KIAA0319L: variants seen among roughly 807,000 people sequenced by gnomAD.
The protein encoded by KIAA0319L is KIAA0319 like.
A neutral mutation model predicts 120.1 loss-of-function variants in KIAA0319L; 55 were observed. The ratio of observed to expected loss-of-function variants is 0.46; its 90% CI spans 0.37 to 0.57. The LOEUF (loss-of-function observed/expected upper bound fraction) is 0.57, where lower values mean the gene tolerates loss of function less well. KIAA0319L is among the 20% of genes least tolerant of loss of function. The pLI is 0.00. For synonymous variants in KIAA0319L, 398 were observed against 471.9 expected, an observed-to-expected ratio of 0.84 and a Z score of 2.03; for missense variants, 1,049 against 1,255.3, an observed-to-expected ratio of 0.84 and a Z score of 2.48.
At position 35,444,153 on chromosome 1, in the gene KIAA0319L, T is replaced by C; in HGVS notation, c.2656+8A>G. The stretch of plus-strand genomic sequence containing the variant: ...GGCTCTTGCTCCCAAATTCCCAGAA[T>C]TACTCACTGACAGTGTTGACTTCCA... On this transcript the variant is annotated splice_region_variant and intron_variant, in intron 17 of 20. Transcript: ENST00000325722. 3 of 1,585,278 alleles carry C rather than the reference T, an allele frequency of 1.9e-6. No individual in the cohort carries two copies. Among genetic ancestry groups the C allele is most frequent in the Non-Finnish European group, 2.6e-6 (3 of 1,165,792 alleles).
intron 2 of KIAA0319L, among the ~76,000 whole-genome samples, chr1:35,527,222 C>A (rs979058520): frequency 4.7e-5 from 7 of 149,990 alleles, no homozygotes; most frequent in South Asian, 2.1e-4. Context: ...ACCATCCTTG[C>A]ATCCCTGGGA....
intron 2 of KIAA0319L, among the ~76,000 whole-genome samples, chr1:35,519,628 G>A (rs1359847472): frequency 1.3e-5 from 2 of 152,116 alleles, no homozygotes; most frequent in Non-Finnish European, 2.9e-5. Context: ...CCTGACCTCT[G>A]CCTCCAGACA....
rs61384513 is a variant in KIAA0319L, at chr1:35,448,390, C to T, written c.2354-58G>A. 9.3e-6 allele frequency: 14 copies of T among 1,499,894 alleles called. No individual in the cohort carries two copies. In the South Asian group the frequency reaches 1.3e-4, roughly 14 times the overall value. The allele number at this position is 1,499,894 out of a possible 1,614,324, so 92.9% of individuals were successfully genotyped here. A position where few individuals can be genotyped will look rare whatever the true frequency, so the allele number is the denominator to read the frequency against. On this transcript the variant is annotated intron_variant, in intron 15 of 20. Transcript: ENST00000325722. ...AAGTAGGAGAGTAAACACAGACCTGCCACTGTGCATTTGCTTTGGCACAGG... is the reference window on the plus strand; with the variant it reads ...AAGTAGGAGAGTAAACACAGACCTGTCACTGTGCATTTGCTTTGGCACAGG...
At chr1:35,479,958 A>AG (rs1337143578) in intron 3 of KIAA0319L, among the ~76,000 whole-genome samples, 1 of 141,170 alleles carries the variant, frequency 7.1e-6, no homozygotes. Flanking sequence ...AAAAAAAAAA[A>AG]AAAAAAAAAA....
intron 20 of KIAA0319L, 94 bp downstream of exon 20, chr1:35,440,953 G>A: frequency 4.2e-6 from 4 of 943,644 alleles, no homozygotes; most frequent in Non-Finnish European, 7.0e-6. Flanking sequence ...AAGCACAGTG[G>A]GCTGTTAGTG....
intron 20 of KIAA0319L, among the ~76,000 whole-genome samples, chr1:35,435,802 C>T (rs891671640): frequency 2.6e-5 from 4 of 152,176 alleles, no homozygotes; most frequent in African/African-American, 7.2e-5. Flanking sequence ...CTATAGATGC[C>T]GAGCGGCCAC....
chr1:35,513,505 T>G (rs1427369533), intron 2 of KIAA0319L, among the ~76,000 whole-genome samples: 1 of 151,822 alleles, frequency 6.6e-6, no homozygotes, highest in Non-Finnish European at 1.5e-5. Flanking sequence ...TAGTCCCAGC[T>G]ACTCAGGAGG....
At chr1:35,484,791 TATATATATATATATA>T (rs1405577861) in intron 3 of KIAA0319L, among the ~76,000 whole-genome samples, 1,522 of 65,474 alleles carry the variant, frequency 0.023, 64 homozygotes, top group African/African-American at 0.064. Context: ...TATATATATA[TATATATATATATATA>T]TTTTTTTTTT....
chr1:35,462,612 A>T lies in KIAA0319L; in HGVS notation c.1294+9T>A. ...TCTTCTAAAACATCATACTTAGACAAGTACTCACGACTGCCATCAATGACT... is the reference window on the plus strand; with the variant it reads ...TCTTCTAAAACATCATACTTAGACATGTACTCACGACTGCCATCAATGACT... On this transcript the variant is annotated intron_variant, in intron 8 of 20. Coordinates refer to ENST00000325722, the MANE Select transcript of KIAA0319L (RefSeq NM_024874.5). 6.3e-7 allele frequency: 1 copy of T among 1,592,564 alleles called. No individual in the cohort carries two copies. Among genetic ancestry groups the T allele is most frequent in the Non-Finnish European group, 8.6e-7 (1 of 1,160,382 alleles).
rs1323011382 is a variant in KIAA0319L at position 35,539,497 on chromosome 1, T to C, written c.142+14853A>G. 2.6e-5 allele frequency among the ~76,000 whole-genome samples: 4 copies of C among 152,326 alleles called. No homozygotes were observed. In the East Asian group the frequency reaches 5.8e-4, roughly 22 times the overall value. ...ATAAGCATACCCTGGGGAGCACAGC[T>C]GAGAGCAATTTTGAAAACCAAGCAG... is the stretch of plus-strand genomic sequence containing the variant. On this transcript the variant is annotated intron_variant, in intron 2 of 20. Transcript: ENST00000325722.
chr1:35,444,242 C>T lies in KIAA0319L; in HGVS notation c.2575G>A (p.Val859Met), dbSNP rs1197541921. 3 of 1,609,284 alleles carry T rather than the reference C, an allele frequency of 1.9e-6. No homozygotes were observed. The African/African-American group carries it at 4.0e-5, about 22-fold the overall frequency. The change falls in exon 17 of 21, where the codon GTG (valine) becomes ATG (methionine). Residue 859 changes from valine (V) to methionine (M), a missense_variant. By Grantham distance (21) the Val-to-Met change is conservative. Transcript: ENST00000325722. ...AGCTCACTCTTGAGCATCGCTGCCACCTCATGGCCTTTGAAGATCTGGTGG... is the reference window on the plus strand; with the variant it reads ...AGCTCACTCTTGAGCATCGCTGCCATCTCATGGCCTTTGAAGATCTGGTGG... ...PPHQIFKGHE[V>M]AAMLKSELRK...
chr1:35,435,940 A>G (rs1640753349), intron 20 of KIAA0319L, among the ~76,000 whole-genome samples: 1 of 152,160 alleles, frequency 6.6e-6, no homozygotes, highest in Non-Finnish European at 1.5e-5. Context: ...AGCTGCCAAC[A>G]GGTGGCACCC....
chr1:35,448,850 A>C (rs926390962), intron 15 of KIAA0319L, among the ~76,000 whole-genome samples: 8 of 152,120 alleles, frequency 5.3e-5, no homozygotes, highest in African/African-American at 1.9e-4. Context: ...ACAAAAGAAA[A>C]TCCAGTCAGC....
chr1:35,461,437 G>A (rs1642882348), intron 8 of KIAA0319L, among the ~76,000 whole-genome samples: 1 of 152,068 alleles, frequency 6.6e-6, no homozygotes, highest in Non-Finnish European at 1.5e-5. Flanking sequence ...TTGCACTCCA[G>A]CCTGGGCAAG....
At position 35,470,860 on chromosome 1, in the gene KIAA0319L, C is replaced by T; in HGVS notation, c.1113+3G>A. On this transcript the variant is annotated splice_donor_region_variant and intron_variant, in intron 6 of 20. Coordinates refer to ENST00000325722, the MANE Select transcript of KIAA0319L (RefSeq NM_024874.5). ...CCCTGCAAGTGAAAGGAGGCAAATT[C>T]ACCTTCGATAGTTTGAGGATCTGGG... is the stretch of plus-strand genomic sequence containing the variant. 6.3e-7 allele frequency: 1 copy of T among 1,597,212 alleles called. No homozygotes were observed. Among genetic ancestry groups the T allele is most frequent in the South Asian group, 1.1e-5 (1 of 90,718 alleles).
In KIAA0319L at chr1:35,434,213, T is replaced by C. The variant is rs1348935994; in HGVS notation, c.*681A>G. ...AATTCTCCTGCCTCAGCCTCCCGAG[T>C]AGCTGGGATTACAGGCATACGCCAC... On this transcript the variant is annotated 3_prime_UTR_variant, in exon 21 of 21. Transcript: ENST00000325722. 2 of 151,216 alleles carry C rather than the reference T, an allele frequency of 1.3e-5. No homozygotes were observed. Among genetic ancestry groups the C allele is most frequent in the Admixed American group, 6.6e-5 (1 of 15,112 alleles). 9.4% of individuals were successfully genotyped at this position (151,216 alleles called of 1,614,324 possible). A position where few individuals can be genotyped will look rare whatever the true frequency, so the allele number is the denominator to read the frequency against.
At chr1:35,489,080 T>A (rs1489748140) in intron 3 of KIAA0319L, among the ~76,000 whole-genome samples, 1 of 152,092 alleles carries the variant, frequency 6.6e-6, no homozygotes, top group Non-Finnish European at 1.5e-5. Flanking sequence ...TAGAGTTGAG[T>A]ATTATGCAAA....
rs1361753499 is a variant in KIAA0319L, at chr1:35,451,761, C to T, written c.1929G>A (p.Val643=). The change falls in exon 13 of 21, where the codon GTG becomes GTA. Residue 643 remains valine (V), a synonymous_variant. Coordinates refer to ENST00000325722, the MANE Select transcript of KIAA0319L (RefSeq NM_024874.5). ...CACTGCTGTTAGCATTCTCGAGCTG[C>T]ACCCCATCAGGTCCCCTGCAAAAAA... is the stretch of plus-strand genomic sequence containing the variant. ...LWEKTQGPDG[V]QLENANSSVA... is the part of the protein sequence containing the mutation. 2.5e-6 allele frequency: 4 copies of T among 1,613,996 alleles called. 1 individual carries two copies. Among genetic ancestry groups the T allele is most frequent in the South Asian group, 2.2e-5 (2 of 91,086 alleles).
chr1:35,471,750 G>GA (rs576695981), intron 5 of KIAA0319L, among the ~76,000 whole-genome samples: 11 of 150,340 alleles, frequency 7.3e-5, no homozygotes, highest in African/African-American at 9.8e-5. Context: ...GAAAAAGGGG[G>GA]AAAAAAAAAC....
Sources: allele counts gnomAD v4.1 joint callset (sites outside exome capture counted in the v4.1 genomes callset), GRCh38; gene constraint gnomAD v4.1.1; transcripts MANE v1.5; gene names NCBI Gene and HGNC (gene_info 2026-07-23, HGNC 2026-07-21).